The following DNMT3A variants were observed in gnomAD, a reference collection of about 807,000 sequenced individuals.
The protein encoded by DNMT3A is DNA (cytosine-5)-methyltransferase 3A.
DNMT3A carries 267 observed loss-of-function variants against 117.6 expected under a neutral mutation model. The ratio of observed to expected loss-of-function variants is 2.27; its 90% CI spans 2.05 to 2.51. The LOEUF (loss-of-function observed/expected upper bound fraction) is 2.51, where lower values mean the gene tolerates loss of function less well. Among genes scored for constraint, DNMT3A ranks in the 30% most tolerant of loss-of-function variants. The pLI, the probability that DNMT3A is intolerant of heterozygous loss-of-function variation, is 0.00. For synonymous variants in DNMT3A, 432 were observed against 474.8 expected, an observed-to-expected ratio of 0.91 and a Z score of 1.17; for missense variants, 1,029 against 1,260.2, an observed-to-expected ratio of 0.82 and a Z score of 2.78.
In DNMT3A at chr2:25,236,210, C is replaced by G. The variant is rs763755217; in HGVS notation, c.2479-385G>C. Among the ~76,000 whole-genome samples, 1 of 152,150 alleles carries G rather than the reference C, an allele frequency of 6.6e-6. No homozygotes were observed. The highest frequency in any genetic ancestry group is 1.5e-5 in the Non-Finnish European group (1 of 68,032). The stretch of plus-strand genomic sequence containing the variant: ...ACTCCTGAGTAGCTGGGACTACAGG[C>G]GCCCGCCACCATGCCTGGCTAATTT... On this transcript the variant is annotated intron_variant, in intron 21 of 22. Coordinates refer to ENST00000321117, the MANE Select transcript of DNMT3A (RefSeq NM_022552.5). This position sits in a 1 kb window ranked among gnomAD's most constrained non-coding sequence, Gnocchi z 4.5.
At chr2:25,262,090 T>C (rs919167650) in intron 6 of DNMT3A, among the ~76,000 whole-genome samples, 1 of 149,722 alleles carries the variant, frequency 6.7e-6, no homozygotes, top group Non-Finnish European at 1.5e-5. Context: ...CTCGGGAGGC[T>C]GAGGCAGGAG....
In DNMT3A at chr2:25,231,836, T is replaced by C. The variant is rs776130851; in HGVS notation, c.*2443A>G. ...TTTCCTGCCTCAGCACCTAGCAACT[T>C]CTGGGATTGACAGTCTACCTGCAAT... On this transcript the variant is annotated 3_prime_UTR_variant, in exon 23 of 23. Coordinates refer to ENST00000321117, the MANE Select transcript of DNMT3A (RefSeq NM_022552.5). 3 of 152,068 alleles carry C rather than the reference T, an allele frequency of 2.0e-5. No individual in the cohort carries two copies. The highest frequency in any genetic ancestry group is 4.4e-5 in the Non-Finnish European group (3 of 68,054). The allele number at this position is 152,068 out of a possible 1,614,324, so 9.4% of individuals were successfully genotyped here.
intron 1 of DNMT3A, among the ~76,000 whole-genome samples, chr2:25,329,045 G>A (rs1167977005): frequency 1.3e-5 from 2 of 152,166 alleles, no homozygotes; most frequent in Non-Finnish European, 2.9e-5. Context: ...GGGAGCGGCT[G>A]TTGGAGCTCG....
chr2:25,332,412 CTGGACATGGTG>C (rs947231911), intron 1 of DNMT3A, among the ~76,000 whole-genome samples: 8 of 152,338 alleles, frequency 5.3e-5, no homozygotes, highest in African/African-American at 1.9e-4. Context: ...CTGGTAATCC[CTGGACATGGTG>C]TGCCAGGGGT....
chr2:25,262,522 C>T (rs1191719464), intron 6 of DNMT3A, among the ~76,000 whole-genome samples: 1 of 152,148 alleles, frequency 6.6e-6, no homozygotes, highest in Non-Finnish European at 1.5e-5. Context: ...GCTCCCAATA[C>T]CAGACAAATT....
rs762592635 is a variant in DNMT3A, at chr2:25,241,559, T to C, written c.2082+3A>G. 13 of 1,612,432 alleles carry C rather than the reference T, an allele frequency of 8.1e-6. No individual in the cohort carries two copies. Among genetic ancestry groups the C allele is most frequent in the Non-Finnish European group, 1.1e-5 (13 of 1,179,436 alleles). On this transcript the variant is annotated splice_donor_region_variant and intron_variant, in intron 17 of 22. Coordinates refer to ENST00000321117, the MANE Select transcript of DNMT3A (RefSeq NM_022552.5). Reference sequence around the variant, plus strand: ...CGGGCTGCGCCCCACAGCATGGACATACATGCTTCTGTGTGACGCTGCGGA... The same window carrying C: ...CGGGCTGCGCCCCACAGCATGGACACACATGCTTCTGTGTGACGCTGCGGA...
At position 25,232,624 on chromosome 2, in the gene DNMT3A, C is replaced by T. The variant is rs1573287863; in HGVS notation, c.*1655G>A. On this transcript the variant is annotated 3_prime_UTR_variant, in exon 23 of 23. Coordinates refer to ENST00000321117, the MANE Select transcript of DNMT3A (RefSeq NM_022552.5). The surrounding 1 kb of genome is among the most constrained non-coding windows in gnomAD (Gnocchi z 4.1). ...CCTTGGGGACTCCCTGGCCGCCCAG[C>T]TGTCACCATGCCCAGTGGCCCACCT... 6.4e-6 allele frequency: 1 copy of T among 156,968 alleles called. No homozygotes were observed. The highest frequency in any genetic ancestry group is 1.6e-4 in the East Asian group (1 of 6,160). The allele number at this position is 156,968 out of a possible 1,614,324, so 9.7% of individuals were successfully genotyped here. A position where few individuals can be genotyped will look rare whatever the true frequency, so the allele number is the denominator to read the frequency against.
In DNMT3A at chr2:25,247,099, C is replaced by T. The variant is rs200905691; in HGVS notation, c.1074G>A (p.Thr358=). ...TGCGGTACATGGGCTGCTTGTTGTA[C>T]GTGGCCTGGTGGAACGCACTGCAAA... The part of the protein sequence containing the change: ...SSFCSAFHQA[T]YNKQPMYRKA... The change falls in exon 9 of 23, where the codon ACG becomes ACA. Residue 358 remains threonine, a synonymous_variant. Coordinates refer to ENST00000321117, the MANE Select transcript of DNMT3A (RefSeq NM_022552.5). This position sits in a 1 kb window ranked among gnomAD's most constrained non-coding sequence, Gnocchi z 5.6. 48 of 1,614,098 alleles carry T rather than the reference C, an allele frequency of 3.0e-5. No homozygotes were observed. The highest frequency in any genetic ancestry group is 1.6e-4 in the Middle Eastern group (1 of 6,062).
intron 1 of DNMT3A, among the ~76,000 whole-genome samples, chr2:25,324,916 A>G (rs1167541766): frequency 1.3e-5 from 2 of 152,174 alleles, no homozygotes; most frequent in African/African-American, 4.8e-5. Context: ...GCCCTCTGCA[A>G]AGCTGATTTA....
chr2:25,236,799 C>T lies in DNMT3A; in HGVS notation c.2478+137G>A. On this transcript the variant is annotated intron_variant, in intron 21 of 22. Transcript: ENST00000321117. The surrounding 1 kb of genome is among the most constrained non-coding windows in gnomAD (Gnocchi z 4.5). ...CTCCTCTGGCTGCCCTGCTGCATGACCCTGCACCGTCTCCTAAATTGCATT... is the reference window on the plus strand; with the variant it reads ...CTCCTCTGGCTGCCCTGCTGCATGATCCTGCACCGTCTCCTAAATTGCATT... The T allele has an allele frequency of 1.1e-6, 1 of 921,466 alleles. No individual in the cohort carries two copies. The highest frequency in any genetic ancestry group is 1.6e-6 in the Non-Finnish European group (1 of 619,690). 57.1% of individuals were successfully genotyped at this position (921,466 alleles called of 1,614,324 possible).
chr2:25,260,609 T>C (rs1676516224), intron 6 of DNMT3A, among the ~76,000 whole-genome samples: 1 of 152,156 alleles, frequency 6.6e-6, no homozygotes, highest in Admixed American at 6.5e-5. Flanking sequence ...CCACCATTCA[T>C]GGACTAAAGA....
chr2:25,333,987 T>C (rs2035112233), intron 1 of DNMT3A, among the ~76,000 whole-genome samples: 1 of 152,204 alleles, frequency 6.6e-6, no homozygotes, highest in African/African-American at 2.4e-5. Flanking sequence ...CCTACCAGCC[T>C]TGGATTAAAC....
Position 25,291,466 on chromosome 2 carries a change from C to T in DNMT3A, c.177+8673G>A, listed in dbSNP as rs539333883. Among the ~76,000 whole-genome samples the T allele has an allele frequency of 5.9e-5, 9 of 152,346 alleles. No homozygotes were observed. In the East Asian group the frequency reaches 9.7e-4, roughly 16 times the overall value. On this transcript the variant is annotated intron_variant, in intron 3 of 22. Transcript: ENST00000321117. The stretch of plus-strand genomic sequence containing the variant: ...GGGGGTCCCCAGATGCCCCCTTGCT[C>T]GGCCTTCCTGGGGTGGATGGAGCAA...
In DNMT3A at chr2:25,239,138, A is replaced by C; in HGVS notation, c.2400T>G (p.Gly800=). 6.2e-7 allele frequency: 1 copy of C among 1,613,952 alleles called. No individual in the cohort carries two copies. Among genetic ancestry groups the C allele is most frequent in the Non-Finnish European group, 8.5e-7 (1 of 1,179,904 alleles). The change falls in exon 20 of 23, where the codon GGT becomes GGG. Residue 800 remains glycine, a synonymous_variant. Coordinates refer to ENST00000321117, the MANE Select transcript of DNMT3A (RefSeq NM_022552.5). ...CAGGAGCTTTCACCAACCTGTTCAT[A>C]CCGGGAAGGTTACCCCAGAAGTAGC... ...RARYFWGNLP[G]MNRPLASTVN...
intron 6 of DNMT3A, 112 bp downstream of exon 6, chr2:25,274,827 TAA>T: frequency 6.9e-7 from 1 of 1,449,072 alleles, no homozygotes; most frequent in South Asian, 1.4e-5. Context: ...GACTAGAGAT[TAA>T]GAGGCTCCCA....
chr2:25,282,273 A>G lies in DNMT3A; in HGVS notation c.448+168T>C, dbSNP rs1404706290. ...ACACTCTATGGGCCAAATAAAACAT[A>G]TGCGCAGGCTGCATCCAGCCAGTAG... On this transcript the variant is annotated intron_variant, in intron 4 of 22. Coordinates refer to ENST00000321117, the MANE Select transcript of DNMT3A (RefSeq NM_022552.5). The surrounding 1 kb of genome is among the most constrained non-coding windows in gnomAD (Gnocchi z 5.2). 8 of 1,418,598 alleles carry G rather than the reference A, an allele frequency of 5.6e-6. No individual in the cohort carries two copies. Among genetic ancestry groups the G allele is most frequent in the Non-Finnish European group, 7.4e-6 (8 of 1,087,514 alleles). The allele number at this position is 1,418,598 out of a possible 1,614,324, so 87.9% of individuals were successfully genotyped here.
intron 6 of DNMT3A, among the ~76,000 whole-genome samples, chr2:25,262,885 G>T (rs1676733093): frequency 6.6e-6 from 1 of 152,128 alleles, no homozygotes; most frequent in Non-Finnish European, 1.5e-5. Context: ...CAACCCAGAA[G>T]TCATGCCTCC....
intron 3 of DNMT3A, among the ~76,000 whole-genome samples, chr2:25,297,199 G>A (rs368213758): frequency 2.0e-5 from 3 of 152,138 alleles, no homozygotes; most frequent in African/African-American, 4.8e-5. Flanking sequence ...TGCTGTCCTC[G>A]GGGTCAGTCT....
rs2289195 is a variant in DNMT3A at position 25,240,614 on chromosome 2, G to A, written c.2173+26C>T. ...TATGTGCGGAAGCACCAGCTGAGAA[G>A]GTGGAGGGGACAGGATGGTACCTAC... On this transcript the variant is annotated intron_variant, in intron 18 of 22. Coordinates refer to ENST00000321117, the MANE Select transcript of DNMT3A (RefSeq NM_022552.5). The A allele has an allele frequency of 0.41, 654,682 of 1,611,360 alleles. 135,410 individuals carry two copies. The highest frequency in any genetic ancestry group is 0.53 in the Admixed American group (31,923 of 59,750).
Sources: allele counts gnomAD v4.1 joint callset (sites outside exome capture counted in the v4.1 genomes callset), GRCh38; gene constraint gnomAD v4.1.1; non-coding constraint Gnocchi (gnomAD v3.1); transcripts MANE v1.5; gene names NCBI Gene and HGNC (gene_info 2026-07-23, HGNC 2026-07-21).